TNC: variants seen among roughly 807,000 people sequenced by gnomAD.
TNC encodes the protein tenascin.
Under a neutral mutation model 202.4 loss-of-function variants are expected in TNC, and 109 were observed. That is an observed-to-expected ratio of 0.54 (90% CI 0.46 to 0.63). The LOEUF is 0.63. Ranked by LOEUF, TNC falls within the 30% of genes least tolerant of loss-of-function variation. The pLI is 0.00. For missense variants in TNC, 2,756 were observed against 2,833.3 expected (o/e 0.97, Z 0.62); for synonymous variants, 1,007 against 1,089.7 (o/e 0.92, Z 1.50).
chr9:115,083,727 C>T (rs1222869654), intron 4 of TNC, among the ~76,000 whole-genome samples: 1 of 151,844 alleles, frequency 6.6e-6, no homozygotes, highest in Non-Finnish European at 1.5e-5. Flanking sequence ...GCCTCAGCCT[C>T]CTGAGTAGCC....
At position 115,023,442 on chromosome 9, in the gene TNC, G is replaced by A. The variant is rs539898472; in HGVS notation, c.6495+531C>T. ...CTGTGATTGTAGAAGTGCTAGAGGT[G>A]TGTGTGGTGCAGGGAAAATGCCAGG... On this transcript the variant is annotated intron_variant, in intron 27 of 27. Transcript: ENST00000350763. Among the ~76,000 whole-genome samples, 3 of 152,360 alleles carry A rather than the reference G, an allele frequency of 2.0e-5. No homozygotes were observed. In the East Asian group the frequency reaches 5.8e-4, roughly 29 times the overall value.
intron 22 of TNC, 111 bp downstream of exon 22, chr9:115,035,091 CAG>C: frequency 9.1e-7 from 1 of 1,097,278 alleles, no homozygotes; most frequent in Non-Finnish European, 1.2e-6. Flanking sequence ...TTTTTTTTTT[CAG>C]CTCCCCAGAT....
chr9:115,091,277 T>G, intron 1 of TNC, 123 bp from the exon 2 acceptor site: 1 of 466,364 alleles, frequency 2.1e-6, no homozygotes, highest in Non-Finnish European at 3.8e-6. Flanking sequence ...TAATTTTTCA[T>G]TATATACCCT....
chr9:115,069,470 G>A (rs1833195209), intron 10 of TNC, among the ~76,000 whole-genome samples: 1 of 151,864 alleles, frequency 6.6e-6, no homozygotes, highest in East Asian at 2.0e-4. Context: ...ATAGAGTGGA[G>A]GAGAGGGAAA....
chr9:115,057,025 C>T, intron 15 of TNC, 128 bp downstream of exon 15: 1 of 1,150,642 alleles, frequency 8.7e-7, no homozygotes, highest in Non-Finnish European at 1.2e-6. Flanking sequence ...AACAGCACCC[C>T]AGCCTAGCAC....
intron 1 of TNC, among the ~76,000 whole-genome samples, chr9:115,115,976 C>T (rs534813616): frequency 6.6e-6 from 1 of 152,216 alleles, no homozygotes; most frequent in South Asian, 2.1e-4. Flanking sequence ...TGGACAAGTC[C>T]TTGTAAAATG....
intron 1 of TNC, among the ~76,000 whole-genome samples, chr9:115,101,978 ATAATT>A (rs1836272519): frequency 6.6e-6 from 1 of 152,220 alleles, no homozygotes; most frequent in African/African-American, 2.4e-5. Flanking sequence ...ATCATTAACT[ATAATT>A]TATTAAGTGT....
At chr9:115,093,364 CT>C (rs1381178080) in intron 1 of TNC, among the ~76,000 whole-genome samples, 1 of 152,150 alleles carries the variant, frequency 6.6e-6, no homozygotes, top group Non-Finnish European at 1.5e-5. Flanking sequence ...ACCCAACCCT[CT>C]TTTGAGCATG....
chr9:115,076,315 T>A lies in TNC; in HGVS notation c.2860+75A>T, dbSNP rs961344409. On this transcript the variant is annotated intron_variant, in intron 8 of 27. Coordinates refer to ENST00000350763, the MANE Select transcript of TNC (RefSeq NM_002160.4). ...TTTCTGAGGGTTGCAAATGGGGACA[T>A]GTGGGAGCAGGTGCCCATCCTTTAA... 11 of 1,534,308 alleles carry A rather than the reference T, an allele frequency of 7.2e-6. No homozygotes were observed. The African/African-American group carries it at 1.2e-4, about 17-fold the overall frequency.
At position 115,073,973 on chromosome 9, in the gene TNC, G is replaced by A. The variant is rs1195376597; in HGVS notation, c.2951-107C>T. The A allele has an allele frequency of 1.5e-5, 17 of 1,156,758 alleles. No homozygotes were observed. The South Asian group carries it at 2.5e-4, about 17-fold the overall frequency. 71.7% of individuals were successfully genotyped at this position (1,156,758 alleles called of 1,614,324 possible). ...GCTGGAATCCTAGGTCTGCCACAGAGGAGCTGAGGGACCACAGGAGAGTCA... is the reference window on the plus strand; with the variant it reads ...GCTGGAATCCTAGGTCTGCCACAGAAGAGCTGAGGGACCACAGGAGAGTCA... On this transcript the variant is annotated intron_variant, in intron 9 of 27. Coordinates refer to ENST00000350763, the MANE Select transcript of TNC (RefSeq NM_002160.4).
At chr9:115,099,783 A>C (rs1836087347) in intron 1 of TNC, among the ~76,000 whole-genome samples, 1 of 152,212 alleles carries the variant, frequency 6.6e-6, no homozygotes, top group Non-Finnish European at 1.5e-5. Flanking sequence ...AGCATTTCTA[A>C]CAGAAGGCTA....
At chr9:115,044,538 TA>T (rs1047143070) in intron 17 of TNC, among the ~76,000 whole-genome samples, 1 of 151,598 alleles carries the variant, frequency 6.6e-6, no homozygotes, top group African/African-American at 2.4e-5. Flanking sequence ...TTGTTGTTCT[TA>T]AAAAAAATTC....
intron 16 of TNC, among the ~76,000 whole-genome samples, chr9:115,047,306 T>C (rs2132140975): frequency 6.7e-6 from 1 of 150,368 alleles, no homozygotes; most frequent in South Asian, 2.1e-4. Flanking sequence ...GTTCAGATGG[T>C]AGAACTGAGG....
intron 1 of TNC, among the ~76,000 whole-genome samples, chr9:115,107,984 T>C (rs576537993): frequency 5.3e-5 from 8 of 152,314 alleles, no homozygotes; most frequent in African/African-American, 1.9e-4. Flanking sequence ...CAAACACTTA[T>C]TAGCCTTGGG....
chr9:115,087,391 C>A lies in TNC; in HGVS notation c.458-118G>T. 4.1e-6 allele frequency: 4 copies of A among 984,530 alleles called. No individual in the cohort carries two copies. The South Asian group carries it at 6.4e-5, about 16-fold the overall frequency. The allele number at this position is 984,530 out of a possible 1,614,324, so 61.0% of individuals were successfully genotyped here. A position where few individuals can be genotyped will look rare whatever the true frequency, so the allele number is the denominator to read the frequency against. ...GGACGGTTGCACCCTCAGGCTCCAT[C>A]TGGCTTGAGAACCATTTGTTGTAGT... On this transcript the variant is annotated intron_variant, in intron 2 of 27. Transcript: ENST00000350763.
chr9:115,063,352 C>A (rs1272651307), intron 12 of TNC, among the ~76,000 whole-genome samples, 163 bp from the exon 13 acceptor site: 1 of 152,194 alleles, frequency 6.6e-6, no homozygotes, highest in Admixed American at 6.5e-5. Flanking sequence ...ACTGTTGGCA[C>A]TAAAGCCAGG....
At chr9:115,096,425 G>A (rs879882572) in intron 1 of TNC, among the ~76,000 whole-genome samples, 12 of 152,324 alleles carry the variant, frequency 7.9e-5, no homozygotes, top group Non-Finnish European at 1.2e-4. Context: ...AGACAGTGCA[G>A]ATGAAGAACA....
intron 9 of TNC, 25 bp downstream of exon 9, chr9:115,076,007 G>A (rs749999674): frequency 8.1e-6 from 13 of 1,603,416 alleles, no homozygotes; most frequent in Middle Eastern, 1.6e-4. Context: ...AGCTCAGTGG[G>A]ATGGGAATTC....
At chr9:115,053,050 G>C in intron 15 of TNC, 1 of 682,562 alleles carries the variant, frequency 1.5e-6, no homozygotes, top group Non-Finnish European at 2.7e-6. Context: ...GAAAGAGAGA[G>C]ACATTATTAG....
Sources: gnomAD v4.1 joint callset for allele counts (sites outside exome capture counted in the v4.1 genomes callset) on GRCh38, gnomAD v4.1.1 for gene constraint, MANE v1.5 for transcripts, NCBI Gene and HGNC (gene_info 2026-07-23, HGNC 2026-07-21) for gene names.